The following FKBP5 variants were observed in gnomAD, a reference collection of about 807,000 sequenced individuals.
The protein encoded by FKBP5 is peptidyl-prolyl cis-trans isomerase FKBP5.
A neutral mutation model predicts 50.5 loss-of-function variants in FKBP5; 23 were observed. That is an observed-to-expected ratio of 0.46 (90% CI 0.33 to 0.65). The LOEUF (loss-of-function observed/expected upper bound fraction) is 0.65. FKBP5 is among the 30% of genes least tolerant of loss of function. The probability of loss-of-function intolerance (pLI) is 0.02; values close to 1 mark genes in which losing one functional copy is unlikely to be tolerated. For synonymous variants in FKBP5, 176 were observed against 190.6 expected (o/e 0.92, Z 0.63); for missense variants, 411 against 553.1 (o/e 0.74, Z 2.58).
At chr6:35,620,820 C>T (rs994269251) in intron 3 of FKBP5, among the ~76,000 whole-genome samples, 3 of 152,160 alleles carry the variant, frequency 2.0e-5, no homozygotes, top group Non-Finnish European at 4.4e-5. Flanking sequence ...AAAATTAAGT[C>T]TTTGAAAACT....
At chr6:35,605,776 C>T (rs1379938540) in intron 5 of FKBP5, among the ~76,000 whole-genome samples, 1 of 152,058 alleles carries the variant, frequency 6.6e-6, no homozygotes, top group African/African-American at 2.4e-5. Context: ...CCACTCTTAA[C>T]AACTCCTATT....
At chr6:35,720,065 C>T (rs994726216) in intron 2 of FKBP5, among the ~76,000 whole-genome samples, 1 of 143,894 alleles carries the variant, frequency 6.9e-6, no homozygotes, top group Non-Finnish European at 1.5e-5. Flanking sequence ...GGGGCTAGGG[C>T]GGGGTGGGAG....
rs1218585201 is a variant in FKBP5, at chr6:35,597,379, T to TC, written c.533dup (p.Arg179LysfsTer4). 6.2e-7 allele frequency: 1 copy of TC among 1,613,828 alleles called. No homozygotes were observed. The highest frequency in any genetic ancestry group is 8.5e-7 in the Non-Finnish European group (1 of 1,179,970). ...CCACATCTCTGCAGTCAAACATCCT[T>TC]CCACCACAGCGGCCTTCCAGGTGGA... On this transcript the variant is annotated frameshift_variant, in exon 6 of 11. Transcript: ENST00000357266. LOFTEE classifies it high-confidence loss of function.
chr6:35,605,963 TC>T (rs1157541563), intron 5 of FKBP5, among the ~76,000 whole-genome samples: 1 of 152,140 alleles, frequency 6.6e-6, no homozygotes, highest in East Asian at 1.9e-4. Flanking sequence ...ACTATATAAA[TC>T]CTAGAAGAAA....
chr6:35,685,355 C>T (rs1765793052), intron 1 of FKBP5, among the ~76,000 whole-genome samples: 1 of 152,056 alleles, frequency 6.6e-6, no homozygotes, highest in Non-Finnish European at 1.5e-5. Context: ...ACATACATAC[C>T]ACCACCACCC....
At chr6:35,617,321 C>CT (rs995437172) in intron 5 of FKBP5, among the ~76,000 whole-genome samples, 115 of 145,730 alleles carry the variant, frequency 7.9e-4, no homozygotes, top group South Asian at 1.9e-3. Flanking sequence ...GAACTCTTTA[C>CT]TTTTTTTTTT....
intron 1 of FKBP5, among the ~76,000 whole-genome samples, chr6:35,722,717 C>G (rs146377667): frequency 0.011 from 1,741 of 152,326 alleles, 28 homozygotes; most frequent in African/African-American, 0.036. Context: ...ACGTCCTGCA[C>G]CCTTGCTCTG....
intron 1 of FKBP5, among the ~76,000 whole-genome samples, chr6:35,680,392 T>C (rs1162515623): frequency 6.6e-6 from 1 of 152,192 alleles, no homozygotes; most frequent in Non-Finnish European, 1.5e-5. Context: ...ATCGCACTAC[T>C]GCACTCCAGA....
intron 5 of FKBP5, among the ~76,000 whole-genome samples, chr6:35,606,014 A>G (rs906970525): frequency 1.3e-5 from 2 of 152,234 alleles, no homozygotes; most frequent in Non-Finnish European, 2.9e-5. Context: ...TAGGCAAATA[A>G]TTTATGATTA....
chr6:35,612,526 CTG>C (rs894694334), intron 5 of FKBP5, among the ~76,000 whole-genome samples: 58 of 152,340 alleles, frequency 3.8e-4, no homozygotes, highest in African/African-American at 1.4e-3. Flanking sequence ...TTCTTTGTAA[CTG>C]TTTGTATTAG....
At chr6:35,633,285 G>A (rs888112293) in intron 3 of FKBP5, among the ~76,000 whole-genome samples, 23 of 152,132 alleles carry the variant, frequency 1.5e-4, no homozygotes, top group Admixed American at 7.2e-4. Context: ...GCTCATGCCT[G>A]TAATCCCAGC....
chr6:35,687,681 A>G (rs1346972118), intron 1 of FKBP5, among the ~76,000 whole-genome samples: 2 of 152,230 alleles, frequency 1.3e-5, no homozygotes, highest in South Asian at 4.1e-4. Context: ...ACTGGAAAAC[A>G]TACTCCTGAA....
intron 1 of FKBP5, among the ~76,000 whole-genome samples, chr6:35,668,905 CA>C (rs1259727889): frequency 4.6e-5 from 7 of 151,998 alleles, no homozygotes; most frequent in African/African-American, 1.7e-4. Context: ...CTCAACCAAG[CA>C]TATACATTAG....
chr6:35,613,511 T>G (rs1763556463), intron 5 of FKBP5, among the ~76,000 whole-genome samples: 1 of 152,184 alleles, frequency 6.6e-6, no homozygotes, highest in Non-Finnish European at 1.5e-5. Context: ...CCACCGCACC[T>G]GGCCTAGTTC....
intron 1 of FKBP5, among the ~76,000 whole-genome samples, chr6:35,667,956 C>A (rs1208820700): frequency 1.3e-5 from 2 of 151,988 alleles, no homozygotes; most frequent in Non-Finnish European, 2.9e-5. Flanking sequence ...CAGAGTGAGA[C>A]TCTTTCGAAA....
rs189191769 is a variant in FKBP5, at chr6:35,583,820, T to A, written c.840+3214A>T. On this transcript the variant is annotated intron_variant, in intron 8 of 10. Coordinates refer to ENST00000357266, the MANE Select transcript of FKBP5 (RefSeq NM_004117.4). ...GTGGACTCTTCTTAGGAATTTTTTT[T>A]AAAACATCAAATCCTAGAGTCATAA... 639 of 985,418 alleles carry A rather than the reference T, an allele frequency of 6.5e-4. 1 individual carries two copies. Among genetic ancestry groups the A allele is most frequent in the Non-Finnish European group, 7.4e-4 (610 of 829,910 alleles). The allele number at this position is 985,418 out of a possible 1,614,324, so 61.0% of individuals were successfully genotyped here. A position where few individuals can be genotyped will look rare whatever the true frequency, so the allele number is the denominator to read the frequency against.
chr6:35,632,397 C>T (rs540617810), intron 3 of FKBP5, among the ~76,000 whole-genome samples: 5 of 152,134 alleles, frequency 3.3e-5, no homozygotes, highest in Non-Finnish European at 7.3e-5. Flanking sequence ...CATTATAAAA[C>T]CAGTGAAAAA....
intron 7 of FKBP5, among the ~76,000 whole-genome samples, chr6:35,589,711 T>C (rs573475852): frequency 6.6e-6 from 1 of 152,302 alleles, no homozygotes; most frequent in African/African-American, 2.4e-5. Flanking sequence ...ATCTTCTCTC[T>C]CTTTAACAAT....
At chr6:35,581,452 T>C (rs1055515912) in intron 8 of FKBP5, 1 of 314,480 alleles carries the variant, frequency 3.2e-6, no homozygotes, top group African/African-American at 2.3e-5. Context: ...GAGCCAGGCA[T>C]GGTGGCATAT....
Sources: allele counts gnomAD v4.1 joint callset (sites outside exome capture counted in the v4.1 genomes callset), GRCh38; gene constraint gnomAD v4.1.1; transcripts MANE v1.5; gene names NCBI Gene and HGNC (gene_info 2026-07-23, HGNC 2026-07-21).